The following ZNF628 variants were observed in gnomAD, a reference collection of about 807,000 sequenced individuals.
ZNF628 encodes the protein zinc finger protein Zec.
A neutral mutation model predicts 2.5 loss-of-function variants in ZNF628; 3 were observed. The observed-to-expected ratio is 1.19, with a 90% CI of 0.54 to 3.07. The LOEUF (loss-of-function observed/expected upper bound fraction) is 3.07. ZNF628 is among the 30% of genes most tolerant of loss of function. ZNF628 has a pLI of 0.03. For synonymous variants in ZNF628, 861 were observed against 717.1 expected, an observed-to-expected ratio of 1.20 and a Z score of -3.21; for missense variants, 1,610 against 1,517.1, an observed-to-expected ratio of 1.06 and a Z score of -1.02.
rs1184422666 is a variant in ZNF628, at chr19:55,483,261, C to T, written c.2068C>T (p.Leu690Phe). 7.2e-6 allele frequency: 11 copies of T among 1,527,532 alleles called. No homozygotes were observed. Among genetic ancestry groups the T allele is most frequent in the Non-Finnish European group, 9.6e-6 (11 of 1,141,766 alleles). The allele number at this position is 1,527,532 out of a possible 1,614,324, so 94.6% of individuals were successfully genotyped here. ...GCCCCACCTCCAGGCCACGCTCTCC[C>T]TCGAGGTGGCGGGGGGCACGGCCCA... The part of the protein sequence containing the change: ...VLPHLQATLS[L>F]EVAGGTAQAP... The change falls in exon 3 of 3, where the codon CTC becomes TTC. Residue 690 changes from leucine to phenylalanine, a missense_variant. Around this residue, in one of 5 missense-constraint regions of ZNF628, gnomAD observed 712 missense variants for 603.6 expected, o/e 1.18. Coordinates refer to ENST00000598519, the MANE Select transcript of ZNF628 (RefSeq NM_033113.3).
chr19:55,481,330 G>A lies in ZNF628; in HGVS notation c.137G>A (p.Arg46Gln), dbSNP rs1423139812. Reference protein sequence around the residue: ...YECGECGKSFRWSSRLLHHQR... With the variant: ...YECGECGKSFQWSSRLLHHQR... ...TGTGGGGAGTGTGGCAAGTCATTCC[G>A]GTGGTCGTCCCGGCTCCTGCACCAC... The change falls in exon 3 of 3, where the codon CGG becomes CAG. Residue 46 changes from arginine to glutamine, a missense_variant. This residue lies in a region of ZNF628 where 166 missense variants were observed against 241.3 expected (regional missense o/e 0.69). Coordinates refer to ENST00000598519, the MANE Select transcript of ZNF628 (RefSeq NM_033113.3). The A allele has an allele frequency of 1.9e-6, 3 of 1,611,720 alleles. No individual in the cohort carries two copies. The highest frequency in any genetic ancestry group is 2.2e-5 in the East Asian group (1 of 44,826).
chr19:55,482,781 C>T lies in ZNF628; in HGVS notation c.1588C>T (p.Arg530Trp). The T allele has an allele frequency of 1.9e-6, 3 of 1,610,804 alleles. No individual in the cohort carries two copies. Among genetic ancestry groups the T allele is most frequent in the Non-Finnish European group, 2.5e-6 (3 of 1,178,136 alleles). The change falls in exon 3 of 3, where the codon CGG becomes TGG. Residue 530 changes from arginine to tryptophan, a missense_variant. Around this residue, in one of 5 missense-constraint regions of ZNF628, gnomAD observed 651 missense variants for 575.6 expected, o/e 1.13. Transcript: ENST00000598519. ...GTCGTCCCACTACCAGTACCACCTG[C>T]GGCTGCACTCTGGCGAGCGGCCCTA... ...KWSSHYQYHL[R>W]LHSGERPYAC...
intron 2 of ZNF628, among the ~76,000 whole-genome samples, chr19:55,480,780 G>A (rs1986678892): frequency 1.3e-5 from 2 of 152,228 alleles, no homozygotes; most frequent in African/African-American, 4.8e-5. Context: ...GAGGAGTGTT[G>A]AGGCCGAGAT....
Position 55,483,955 on chromosome 19 carries a change from A to T in ZNF628, c.2762A>T (p.Asp921Val). 6.4e-7 allele frequency: 1 copy of T among 1,572,562 alleles called. No individual in the cohort carries two copies. The highest frequency in any genetic ancestry group is 8.6e-7 in the Non-Finnish European group (1 of 1,157,722). Residue 921 changes from aspartate (D) to valine (V), a missense_variant, in exon 3 of 3, where the codon GAT becomes GTT. This residue lies in a region of ZNF628 where 712 missense variants were observed against 603.6 expected (regional missense o/e 1.18). Transcript: ENST00000598519. ...GAGGCCAGCACTGGTGTGGTCCAGG[A>T]TGTCCTCTTTGAGACACTCCAGACG... Reference protein sequence around the residue: ...DGEASTGVVQDVLFETLQTDE... With the variant: ...DGEASTGVVQVVLFETLQTDE...
Position 55,481,898 on chromosome 19 carries a change from C to A in ZNF628, c.705C>A (p.Ala235=), listed in dbSNP as rs1321215822. ...THGAAPAPGT[A]SAAPPPQSRE... is the part of the protein sequence containing the mutation. Reference sequence around the variant, plus strand: ...GCGCCGCCCCCGCCCCGGGTACCGCCTCCGCGGCCCCGCCCCCCCAGTCCC... The same window carrying A: ...GCGCCGCCCCCGCCCCGGGTACCGCATCCGCGGCCCCGCCCCCCCAGTCCC... The change falls in exon 3 of 3, where the codon GCC becomes GCA. Residue 235 remains alanine, a synonymous_variant. Transcript: ENST00000598519. The A allele has an allele frequency of 6.7e-7, 1 of 1,490,112 alleles. No individual in the cohort carries two copies. The allele number at this position is 1,490,112 out of a possible 1,614,324, so 92.3% of individuals were successfully genotyped here.
Position 55,483,974 on chromosome 19 carries a change from C to T in ZNF628, c.2781C>T (p.Leu927=), listed in dbSNP as rs754723756. The T allele has an allele frequency of 1.8e-5, 28 of 1,575,810 alleles. No individual in the cohort carries two copies. The highest frequency in any genetic ancestry group is 1.7e-4 in the Middle Eastern group (1 of 5,956). The part of the protein sequence containing the change: ...GVVQDVLFET[L]QTDEGLQSVL... ...TCCAGGATGTCCTCTTTGAGACACTCCAGACGGACGAGGGCTTGCAGAGCG... is the reference window on the plus strand; with the variant it reads ...TCCAGGATGTCCTCTTTGAGACACTTCAGACGGACGAGGGCTTGCAGAGCG... The change falls in exon 3 of 3, where the codon CTC becomes CTT. Residue 927 remains leucine, a synonymous_variant. Coordinates refer to ENST00000598519, the MANE Select transcript of ZNF628 (RefSeq NM_033113.3).
intron 1 of ZNF628, among the ~76,000 whole-genome samples, chr19:55,478,812 G>T (rs1332598599): frequency 6.6e-6 from 1 of 152,220 alleles, no homozygotes; most frequent in Non-Finnish European, 1.5e-5. Context: ...CGAGAGAGAG[G>T]AGGCGAGGAG....
rs1433303567 is a variant in ZNF628, at chr19:55,484,293, G to C, written c.3100G>C (p.Gly1034Arg). The change falls in exon 3 of 3, where the codon GGT becomes CGT. Residue 1034 changes from glycine (G) to arginine (R), a missense_variant. Gly to Arg is a moderately radical substitution (Grantham distance 125, BLOSUM62 -2). Around this residue, in one of 5 missense-constraint regions of ZNF628, gnomAD observed 712 missense variants for 603.6 expected, o/e 1.18. Coordinates refer to ENST00000598519, the MANE Select transcript of ZNF628 (RefSeq NM_033113.3). ...VQVVPAGAGP[G>R]VMTPQGLPSI... ...AGTGGTCCCCGCAGGAGCTGGGCCT[G>C]GTGTTATGACCCCTCAGGGCCTGCC... The C allele has an allele frequency of 6.5e-6, 10 of 1,534,456 alleles. No individual in the cohort carries two copies. The highest frequency in any genetic ancestry group is 2.1e-5 in the Admixed American group (1 of 48,188).
At chr19:55,477,130 C>G (rs1291889610) in intron 1 of ZNF628, among the ~76,000 whole-genome samples, 3 of 152,212 alleles carry the variant, frequency 2.0e-5, no homozygotes, top group South Asian at 2.1e-4. Context: ...CTGGTTGCTT[C>G]AAAGCGATCC....
At position 55,484,014 on chromosome 19, in the gene ZNF628, G is replaced by A. The variant is rs1443999420; in HGVS notation, c.2821G>A (p.Gly941Arg). The stretch of plus-strand genomic sequence containing the variant: ...CTTGCAGAGCGTGCTGGTGCTGAGC[G>A]GGGCCGATGGCGAACAGACTCGACT... ...EGLQSVLVLS[G>R]ADGEQTRLCV... is the part of the protein sequence containing the mutation. Residue 941 changes from glycine to arginine, a missense_variant, in exon 3 of 3, where the codon GGG becomes AGG. Gly to Arg is a moderately radical substitution (Grantham distance 125). This residue lies in a region of ZNF628 where 712 missense variants were observed against 603.6 expected (regional missense o/e 1.18). Transcript: ENST00000598519. 4 of 1,592,326 alleles carry A rather than the reference G, an allele frequency of 2.5e-6. No individual in the cohort carries two copies. The highest frequency in any genetic ancestry group is 3.4e-6 in the Non-Finnish European group (4 of 1,168,864).
chr19:55,481,347 C>T lies in ZNF628; in HGVS notation c.154C>T (p.Leu52=), dbSNP rs368124170. The change falls in exon 3 of 3, where the codon CTG becomes TTG. Residue 52 remains leucine, a synonymous_variant. Coordinates refer to ENST00000598519, the MANE Select transcript of ZNF628 (RefSeq NM_033113.3). ...GTCATTCCGGTGGTCGTCCCGGCTC[C>T]TGCACCACCAGCGCACGCACACAGG... ...GKSFRWSSRL[L]HHQRTHTGER... The T allele has an allele frequency of 6.2e-6, 10 of 1,612,648 alleles. No homozygotes were observed. The African/African-American group carries it at 1.1e-4, about 17-fold the overall frequency.
chr19:55,483,980 G>A lies in ZNF628; in HGVS notation c.2787G>A (p.Thr929=), dbSNP rs372270431. 18 of 1,577,614 alleles carry A rather than the reference G, an allele frequency of 1.1e-5. No homozygotes were observed. Among genetic ancestry groups the A allele is most frequent in the South Asian group, 2.3e-5 (2 of 85,606 alleles). Residue 929 remains threonine, a synonymous_variant, in exon 3 of 3, where the codon ACG becomes ACA. Transcript: ENST00000598519. The stretch of plus-strand genomic sequence containing the variant: ...ATGTCCTCTTTGAGACACTCCAGAC[G>A]GACGAGGGCTTGCAGAGCGTGCTGG... ...VQDVLFETLQ[T]DEGLQSVLVL...
At position 55,482,032 on chromosome 19, in the gene ZNF628, C is replaced by T; in HGVS notation, c.839C>T (p.Pro280Leu). The T allele has an allele frequency of 6.8e-7, 1 of 1,481,282 alleles. No homozygotes were observed. Among genetic ancestry groups the T allele is most frequent in the Non-Finnish European group, 8.9e-7 (1 of 1,118,628 alleles). 91.8% of individuals were successfully genotyped at this position (1,481,282 alleles called of 1,614,324 possible). A position where few individuals can be genotyped will look rare whatever the true frequency, so the allele number is the denominator to read the frequency against. The change falls in exon 3 of 3, where the codon CCT becomes CTT. Residue 280 changes from proline to leucine, a missense_variant. By Grantham distance (98) the Pro-to-Leu change is moderately conservative (BLOSUM62 -3). This residue lies in a region of ZNF628 where 651 missense variants were observed against 575.6 expected (regional missense o/e 1.13). Coordinates refer to ENST00000598519, the MANE Select transcript of ZNF628 (RefSeq NM_033113.3). Reference protein sequence around the residue: ...APPPPPPPVVPELFLAAAETT... With the variant: ...APPPPPPPVVLELFLAAAETT... ...CCGCCCCCGCCCCCGCCCGTGGTGC[C>T]TGAGCTCTTTTTGGCGGCGGCGGAG...
In ZNF628 at chr19:55,479,369, G is replaced by A. The variant is rs1235340785; in HGVS notation, c.-77-465G>A. ...GCTGACACTTGAGCTGCTCTGCTGT[G>A]AAGGAATGGAGAAACGAGTCTGCAG... On this transcript the variant is annotated intron_variant, in intron 1 of 2. Coordinates refer to ENST00000598519, the MANE Select transcript of ZNF628 (RefSeq NM_033113.3). The surrounding 1 kb of genome is among the most constrained non-coding windows in gnomAD (Gnocchi z 5.1). 6.6e-6 allele frequency among the ~76,000 whole-genome samples: 1 copy of A among 152,248 alleles called. No individual in the cohort carries two copies.
rs760824737 is a variant in ZNF628, at chr19:55,483,423, C to A, written c.2230C>A (p.Leu744Met). Reference sequence around the variant, plus strand: ...CCCTCCCGCACCTCCCAAGCTCATCCTGCTGCCCTCCTCCAGTGCTGGGGC... The same window carrying A: ...CCCTCCCGCACCTCCCAAGCTCATCATGCTGCCCTCCTCCAGTGCTGGGGC... ...PPPPAPPKLI[L>M]LPSSSAGAGG... is the part of the protein sequence containing the mutation. Residue 744 changes from leucine to methionine, a missense_variant, in exon 3 of 3, where the codon CTG becomes ATG. Transcript: ENST00000598519. The A allele has an allele frequency of 2.0e-6, 3 of 1,519,514 alleles. No individual in the cohort carries two copies. The highest frequency in any genetic ancestry group is 1.4e-5 in the African/African-American group (1 of 72,586). The allele number at this position is 1,519,514 out of a possible 1,614,324, so 94.1% of individuals were successfully genotyped here.
chr19:55,481,063 C>A, intron 2 of ZNF628, 138 bp from the exon 3 acceptor site: 1 of 1,178,798 alleles, frequency 8.5e-7, no homozygotes, highest in Non-Finnish European at 1.2e-6. Flanking sequence ...CATTGGAGAC[C>A]CTCATCCTAA....
At position 55,482,545 on chromosome 19, in the gene ZNF628, A is replaced by G; in HGVS notation, c.1352A>G (p.Glu451Gly). The change falls in exon 3 of 3, where the codon GAG (glutamate) becomes GGG (glycine). Residue 451 changes from glutamate to glycine, a missense_variant. Physicochemically the swap from Glu to Gly is moderately conservative, Grantham distance 98 (BLOSUM62 -2). Transcript: ENST00000598519. ...PPPPSAPASAERPYKCAECGK... is the reference protein window; with the variant it reads ...PPPPSAPASAGRPYKCAECGK... Reference sequence around the variant, plus strand: ...CCCCCGTCCGCCCCCGCTTCTGCGGAGCGGCCCTACAAATGTGCCGAGTGC... The same window carrying G: ...CCCCCGTCCGCCCCCGCTTCTGCGGGGCGGCCCTACAAATGTGCCGAGTGC... 2.2e-6 allele frequency: 3 copies of G among 1,361,402 alleles called. No homozygotes were observed. The highest frequency in any genetic ancestry group is 3.0e-6 in the Non-Finnish European group (3 of 1,001,754). The allele number at this position is 1,361,402 out of a possible 1,614,324, so 84.3% of individuals were successfully genotyped here. A position where few individuals can be genotyped will look rare whatever the true frequency, so the allele number is the denominator to read the frequency against.
rs1986555628 is a variant in ZNF628 at position 55,476,821 on chromosome 19, G to A, written c.-78+14G>A. The A allele has an allele frequency of 6.7e-6, 1 of 149,616 alleles. No individual in the cohort carries two copies. The highest frequency in any genetic ancestry group is 1.5e-5 in the Non-Finnish European group (1 of 67,044). 9.3% of individuals were successfully genotyped at this position (149,616 alleles called of 1,614,324 possible). Reference sequence around the variant, plus strand: ...TTGGGGCCGCAGGTGAGAGACCGGAGGGGGTGGGGGTGGGGGGAGGGACCG... The same window carrying A: ...TTGGGGCCGCAGGTGAGAGACCGGAAGGGGTGGGGGTGGGGGGAGGGACCG... On this transcript the variant is annotated intron_variant, in intron 1 of 2. Coordinates refer to ENST00000598519, the MANE Select transcript of ZNF628 (RefSeq NM_033113.3).
chr19:55,477,049 C>T (rs971254234), intron 1 of ZNF628, among the ~76,000 whole-genome samples: 5 of 152,184 alleles, frequency 3.3e-5, no homozygotes, highest in African/African-American at 4.8e-5. Context: ...AATGTTTTTC[C>T]CCTAAAAGGC....
Sources: allele counts gnomAD v4.1 joint callset (sites outside exome capture counted in the v4.1 genomes callset), GRCh38; gene constraint gnomAD v4.1.1; regional missense constraint gnomAD v4.1.1; non-coding constraint Gnocchi (gnomAD v3.1); transcripts MANE v1.5; gene names NCBI Gene and HGNC (gene_info 2026-07-23, HGNC 2026-07-21).